The following MROH1 variants were observed in gnomAD, a reference collection of about 807,000 sequenced individuals.
MROH1 encodes maestro heat-like repeat-containing protein family member 1.
MROH1 carries 117 observed loss-of-function variants against 116.5 expected under a neutral mutation model. The ratio of observed to expected loss-of-function variants is 1.00; its 90% CI spans 0.86 to 1.17. The LOEUF (loss-of-function observed/expected upper bound fraction) is 1.17. Among genes scored for constraint, MROH1 ranks in the 50% most tolerant of loss-of-function variants. The probability of loss-of-function intolerance (pLI) is 0.00; values close to 1 mark genes in which losing one functional copy is unlikely to be tolerated. For synonymous variants in MROH1, 921 were observed against 583.9 expected (o/e 1.58, Z -8.32); for missense variants, 1,873 against 1,338.5 (o/e 1.40, Z -6.23).
At chr8:144,229,626 A>G (rs1838458782) in intron 14 of MROH1, among the ~76,000 whole-genome samples, 1 of 152,144 alleles carries the variant, frequency 6.6e-6, no homozygotes, top group African/African-American at 2.4e-5. Context: ...CCTGAGCTCA[A>G]GCGATCTGCC....
intron 4 of MROH1, among the ~76,000 whole-genome samples, chr8:144,174,033 C>T (rs538896457): frequency 2.0e-4 from 30 of 152,266 alleles, no homozygotes; most frequent in Middle Eastern, 3.4e-3. Flanking sequence ...GGCCACCTCC[C>T]CTCTGCCAAC....
intron 35 of MROH1, among the ~76,000 whole-genome samples, 180 bp from the exon 36 acceptor site, chr8:144,258,597 G>A (rs1416253865): frequency 2.0e-5 from 3 of 152,234 alleles, no homozygotes; most frequent in Non-Finnish European, 4.4e-5. Context: ...CTTGCCTTGG[G>A]TGGGGAAATG....
chr8:144,189,550 C>A (rs1828034615), intron 7 of MROH1, among the ~76,000 whole-genome samples: 2 of 152,212 alleles, frequency 1.3e-5, no homozygotes, highest in South Asian at 4.1e-4. Context: ...GCCACCTGCC[C>A]AGCCTCTGCC....
intron 20 of MROH1, 131 bp from the exon 21 acceptor site, chr8:144,240,861 G>T (rs1031542327): frequency 4.2e-5 from 29 of 692,196 alleles, no homozygotes; most frequent in Admixed American, 2.3e-4. Flanking sequence ...CTCAGATGTT[G>T]CCCCAGACTC....
In MROH1 at chr8:144,244,511, C is replaced by A. The variant is rs1349252370; in HGVS notation, c.2738C>A (p.Thr913Asn). The A allele has an allele frequency of 2.6e-6, 2 of 771,896 alleles. No homozygotes were observed. Among genetic ancestry groups the A allele is most frequent in the Non-Finnish European group, 4.8e-6 (2 of 413,904 alleles). 47.8% of individuals were successfully genotyped at this position (771,896 alleles called of 1,614,324 possible). A position where few individuals can be genotyped will look rare whatever the true frequency, so the allele number is the denominator to read the frequency against. Residue 913 changes from threonine (T) to asparagine (N), a missense_variant, in exon 28 of 44, where the codon ACC becomes AAC. Physicochemically the swap from Thr to Asn is moderately conservative, Grantham distance 65 (BLOSUM62 0). Coordinates refer to ENST00000326134, the MANE Select transcript of MROH1 (RefSeq NM_032450.3). ...LLTSLLQRNM[T>N]PQGLQIMIEH... ...ACGAGCCTCCTGCAGCGGAACATGA[C>A]CCCCCAAGGCCTGCAGATCATGATT...
At chr8:144,225,083 G>A (rs1837537195) in intron 14 of MROH1, among the ~76,000 whole-genome samples, 2 of 152,022 alleles carry the variant, frequency 1.3e-5, no homozygotes, top group Non-Finnish European at 2.9e-5. Flanking sequence ...CTGTTGCCAA[G>A]GCTAGAGTGC....
chr8:144,192,114 G>A (rs137955178), intron 9 of MROH1, among the ~76,000 whole-genome samples, 195 bp from the exon 10 acceptor site: 1 of 152,234 alleles, frequency 6.6e-6, no homozygotes, highest in African/African-American at 2.4e-5. Context: ...CCCCCTTCCT[G>A]GGCCCTCCCC....
intron 32 of MROH1, 124 bp downstream of exon 32, chr8:144,249,153 G>T: frequency 1.5e-6 from 1 of 672,824 alleles, no homozygotes. Flanking sequence ...AAACAGTGAG[G>T]CTGGCCCTGG....
chr8:144,181,724 G>T (rs1395841601), intron 7 of MROH1, among the ~76,000 whole-genome samples: 1 of 152,168 alleles, frequency 6.6e-6, no homozygotes, highest in Non-Finnish European at 1.5e-5. Context: ...AGTGGGTGTG[G>T]GTGTGGACTC....
chr8:144,212,467 A>G (rs1038354759), intron 12 of MROH1, among the ~76,000 whole-genome samples: 1 of 151,988 alleles, frequency 6.6e-6, no homozygotes, highest in Non-Finnish European at 1.5e-5. Context: ...CCTTTTCAGT[A>G]GACAGAGCTA....
Position 144,238,739 on chromosome 8 carries a change from CT to C in MROH1, c.1339-13del. ...CATGGCCGCCCACGCACGCCTTTGC[CT>C]TTTGCCTTCCTCCAGCCTGAGAAGC... On this transcript the variant is annotated splice_polypyrimidine_tract_variant and intron_variant, in intron 14 of 43. Coordinates refer to ENST00000326134, the MANE Select transcript of MROH1 (RefSeq NM_032450.3). 5.2e-6 allele frequency: 4 copies of C among 769,790 alleles called. No homozygotes were observed. 47.7% of individuals were successfully genotyped at this position (769,790 alleles called of 1,614,324 possible).
intron 29 of MROH1, among the ~76,000 whole-genome samples, chr8:144,245,974 C>T (rs908229857): frequency 1.3e-5 from 2 of 152,072 alleles, no homozygotes; most frequent in Non-Finnish European, 2.9e-5. Flanking sequence ...CTGCACCTGG[C>T]CTTTTGTTAA....
chr8:144,251,380 A>AT (rs1223594736), intron 33 of MROH1: 1 of 152,200 alleles, frequency 6.6e-6, no homozygotes, highest in Non-Finnish European at 1.5e-5. Flanking sequence ...ATCCACTGTC[A>AT]TATCTTTTGC....
chr8:144,232,152 T>A (rs1839009919), intron 14 of MROH1, among the ~76,000 whole-genome samples: 1 of 152,158 alleles, frequency 6.6e-6, no homozygotes, highest in African/African-American at 2.4e-5. Flanking sequence ...TAGGTCTTTT[T>A]TCTGAATATA....
At chr8:144,226,457 T>TAA (rs112890447) in intron 14 of MROH1, among the ~76,000 whole-genome samples, 10,664 of 152,100 alleles carry the variant, frequency 0.07, 1,276 homozygotes, top group African/African-American at 0.24. Flanking sequence ...GGCTTTACGT[T>TAA]GTTCTTTTTT....
chr8:144,200,744 G>A, intron 12 of MROH1: 3 of 561,522 alleles, frequency 5.3e-6, no homozygotes, highest in Non-Finnish European at 9.7e-6. Flanking sequence ...CCATATGATG[G>A]TGGCTCACAC....
At chr8:144,200,777 A>G in intron 12 of MROH1, 1 of 513,794 alleles carries the variant, frequency 1.9e-6, no homozygotes, top group Non-Finnish European at 3.6e-6. Flanking sequence ...CTGGCTGCAG[A>G]CACCATGCGT....
rs548801381 is a variant in MROH1, at chr8:144,180,595, T to C, written c.562+72T>C. 2.9e-6 allele frequency: 4 copies of C among 1,384,758 alleles called. No homozygotes were observed. Among genetic ancestry groups the C allele is most frequent in the Admixed American group, 3.7e-5 (2 of 53,534 alleles). 85.8% of individuals were successfully genotyped at this position (1,384,758 alleles called of 1,614,324 possible). Reference sequence around the variant, plus strand: ...GGGGCTGTTCCCGGGCATGCCTGTTTTAGGGGGGACAGGTGGGCACTTTAG... The same window carrying C: ...GGGGCTGTTCCCGGGCATGCCTGTTCTAGGGGGGACAGGTGGGCACTTTAG... On this transcript the variant is annotated intron_variant, in intron 7 of 43. Transcript: ENST00000326134. The surrounding 1 kb of genome is among the most constrained non-coding windows in gnomAD (Gnocchi z 7.4).
intron 19 of MROH1, 41 bp from the exon 20 acceptor site, chr8:144,240,529 G>A: frequency 1.4e-6 from 1 of 713,762 alleles, no homozygotes. Flanking sequence ...GCCCTGTGAG[G>A]GGTCGGGCTC....
Sources: allele counts gnomAD v4.1 joint callset (sites outside exome capture counted in the v4.1 genomes callset), GRCh38; gene constraint gnomAD v4.1.1; non-coding constraint Gnocchi (gnomAD v3.1); transcripts MANE v1.5; gene names NCBI Gene and HGNC (gene_info 2026-07-23, HGNC 2026-07-21).